TSPAN15: variants seen among roughly 807,000 people sequenced by gnomAD.
TSPAN15 encodes tetraspanin-15.
Under a neutral mutation model 34.5 loss-of-function variants are expected in TSPAN15, and 20 were observed. The observed-to-expected ratio is 0.58, with a 90% CI of 0.41 to 0.84. The LOEUF is 0.84. Among genes scored for constraint, TSPAN15 ranks in the 40% least tolerant of loss-of-function variants. TSPAN15 has a pLI of 0.00. For missense variants in TSPAN15, 313 were observed against 386.1 expected (o/e 0.81, Z 1.59); for synonymous variants, 155 against 153.9 (o/e 1.01, Z -0.05).
chr10:69,503,065 C>T (rs2133159910), intron 5 of TSPAN15, among the ~76,000 whole-genome samples: 1 of 152,306 alleles, frequency 6.6e-6, no homozygotes, highest in South Asian at 2.1e-4. Context: ...CCATCATGTG[C>T]CCGTGCACCT....
At chr10:69,534,477 A>T in the TSPAN15 span, among the ~76,000 whole-genome samples, 1 of 152,212 alleles carries the variant, frequency 6.6e-6, no homozygotes, top group Non-Finnish European at 1.5e-5. Context: ...AGAATGAAAG[A>T]GCTTATCAAA....
At chr10:69,456,493 G>A (rs1006637949) in intron 1 of TSPAN15, among the ~76,000 whole-genome samples, 2 of 151,878 alleles carry the variant, frequency 1.3e-5, no homozygotes, top group Non-Finnish European at 2.9e-5. Flanking sequence ...GAATATGCAC[G>A]CCTTTAAATT....
chr10:69,490,760 T>C (rs1841951456), intron 3 of TSPAN15, among the ~76,000 whole-genome samples: 1 of 152,230 alleles, frequency 6.6e-6, no homozygotes, highest in African/African-American at 2.4e-5. Context: ...CCCAGATACC[T>C]AATACATTGT....
chr10:69,547,216 C>T, the TSPAN15 span, among the ~76,000 whole-genome samples: 1 of 151,758 alleles, frequency 6.6e-6, no homozygotes, highest in African/African-American at 2.4e-5. Flanking sequence ...AAAAAAAGGT[C>T]TGTGCCATCC....
chr10:69,452,783 C>T (rs1841002396), intron 1 of TSPAN15, among the ~76,000 whole-genome samples: 1 of 152,222 alleles, frequency 6.6e-6, no homozygotes. Context: ...CAGTATGCCA[C>T]AAGAGCAGAC....
chr10:69,451,599 C>T lies in TSPAN15; in HGVS notation c.5C>T (p.Pro2Leu). 2 of 1,497,534 alleles carry T rather than the reference C, an allele frequency of 1.3e-6. No homozygotes were observed. Among genetic ancestry groups the T allele is most frequent in the Non-Finnish European group, 1.8e-6 (2 of 1,120,332 alleles). 92.8% of individuals were successfully genotyped at this position (1,497,534 alleles called of 1,614,324 possible). Residue 2 changes from proline to leucine, a missense_variant, in exon 1 of 8, where the codon CCG becomes CTG. Pro to Leu is a moderately conservative substitution (Grantham distance 98). Coordinates refer to ENST00000373290, the MANE Select transcript of TSPAN15 (RefSeq NM_012339.5). M[P>L]RGDSEQVRYC... ...CCCGCGCGGGGAGCGCCCAGGATGC[C>T]GCGCGGGGACTCGGAGCAGGTGCGC...
At chr10:69,533,076 T>A in the TSPAN15 span, among the ~76,000 whole-genome samples, 1 of 152,190 alleles carries the variant, frequency 6.6e-6, no homozygotes, top group Non-Finnish European at 1.5e-5. Context: ...CTACTGCTGG[T>A]GGGAATGTAA....
the TSPAN15 span, among the ~76,000 whole-genome samples, chr10:69,538,035 G>A: frequency 6.6e-6 from 1 of 152,170 alleles, no homozygotes; most frequent in African/African-American, 2.4e-5. Context: ...GTCCTCATGT[G>A]GTAGAGAGGA....
chr10:69,494,846 GC>G, intron 3 of TSPAN15: 1 of 985,578 alleles, frequency 1.0e-6, no homozygotes, highest in Non-Finnish European at 1.2e-6. Context: ...CCACGCTCCT[GC>G]CCCCGCCCCT....
intron 1 of TSPAN15, among the ~76,000 whole-genome samples, chr10:69,474,409 C>T (rs545928006): frequency 5.9e-5 from 9 of 152,174 alleles, no homozygotes; most frequent in East Asian, 1.9e-4. Context: ...GGATGGGCTC[C>T]GAAAGGCTGC....
At chr10:69,491,155 A>C (rs1432916836) in intron 3 of TSPAN15, among the ~76,000 whole-genome samples, 2 of 152,256 alleles carry the variant, frequency 1.3e-5, no homozygotes, top group Non-Finnish European at 2.9e-5. Flanking sequence ...TGCTCACTCC[A>C]CACGCCCCTT....
the TSPAN15 span, among the ~76,000 whole-genome samples, chr10:69,544,166 A>G: frequency 6.6e-6 from 1 of 152,256 alleles, no homozygotes; most frequent in East Asian, 1.9e-4. Context: ...CTGAGTCATC[A>G]AAGGCCCATT....
At chr10:69,516,356 A>G in the TSPAN15 span, among the ~76,000 whole-genome samples, 2 of 152,236 alleles carry the variant, frequency 1.3e-5, no homozygotes, top group Admixed American at 1.3e-4. Context: ...GTAGCTGAAT[A>G]GGATCAGGGC....
At chr10:69,528,249 C>T in the TSPAN15 span, among the ~76,000 whole-genome samples, 2 of 148,546 alleles carry the variant, frequency 1.3e-5, no homozygotes, top group African/African-American at 4.9e-5. Flanking sequence ...CAAGCAGCTT[C>T]CCTGGCTGGC....
At chr10:69,456,567 A>T (rs1841115145) in intron 1 of TSPAN15, among the ~76,000 whole-genome samples, 1 of 152,198 alleles carries the variant, frequency 6.6e-6, no homozygotes, top group Non-Finnish European at 1.5e-5. Context: ...CATCATAAAT[A>T]GCAGGTAAAG....
At chr10:69,544,549 A>G in the TSPAN15 span, among the ~76,000 whole-genome samples, 2 of 152,180 alleles carry the variant, frequency 1.3e-5, no homozygotes, top group Non-Finnish European at 2.9e-5. Context: ...GGTCTTCCAC[A>G]CCTGCCCCCA....
chr10:69,539,457 GAA>G, the TSPAN15 span, among the ~76,000 whole-genome samples: 3 of 24,134 alleles, frequency 1.2e-4, no homozygotes, highest in Non-Finnish European at 9.6e-5. Flanking sequence ...AGAAGAAGAA[GAA>G]GAAGGAGAAG....
downstream of TSPAN15, among the ~76,000 whole-genome samples, chr10:69,510,162 C>T (rs1373560701): frequency 6.6e-6 from 1 of 152,234 alleles, no homozygotes; most frequent in East Asian, 1.9e-4. Context: ...CTATAAATTA[C>T]TTTGGGCCAT....
the TSPAN15 span, among the ~76,000 whole-genome samples, chr10:69,532,032 A>C: frequency 1.6e-3 from 239 of 152,324 alleles, 1 homozygote; most frequent in South Asian, 3.1e-3. Context: ...GAAAGAAATC[A>C]TAGATGACAC....
Sources: allele counts gnomAD v4.1 joint callset (sites outside exome capture counted in the v4.1 genomes callset), GRCh38; gene constraint gnomAD v4.1.1; transcripts MANE v1.5; gene names NCBI Gene and HGNC (gene_info 2026-07-23, HGNC 2026-07-21).